The following PRKG1 variants were observed in gnomAD, a reference collection of about 807,000 sequenced individuals.
The protein encoded by PRKG1 is cGMP-dependent protein kinase 1.
A neutral mutation model predicts 88.1 loss-of-function variants in PRKG1; 35 were observed. The ratio of observed to expected loss-of-function variants is 0.40; its 90% CI spans 0.30 to 0.53. PRKG1 has a LOEUF of 0.53. Among genes scored for constraint, PRKG1 ranks in the 20% least tolerant of loss-of-function variants. PRKG1 has a pLI of 0.59. For missense variants in PRKG1, 540 were observed against 839.8 expected (o/e 0.64, Z 4.41); for synonymous variants, 303 against 292.5 (o/e 1.04, Z -0.37).
chr10:52,210,953 T>A, intron 9 of PRKG1, among the ~76,000 whole-genome samples: 1 of 152,218 alleles, frequency 6.6e-6, no homozygotes, highest in East Asian at 1.9e-4. Context: ...TTTAATTTTC[T>A]TTTTCATCAA....
chr10:52,103,169 T>C (rs544757629), intron 7 of PRKG1, among the ~76,000 whole-genome samples: 1 of 152,264 alleles, frequency 6.6e-6, no homozygotes, highest in Non-Finnish European at 1.5e-5. Flanking sequence ...CCCAATCCCA[T>C]GCCCCCCATC....
At chr10:51,092,947 G>T (rs1381641418) in intron 1 of PRKG1, among the ~76,000 whole-genome samples, 1 of 152,114 alleles carries the variant, frequency 6.6e-6, no homozygotes, top group Non-Finnish European at 1.5e-5. Context: ...AAATATTAGA[G>T]ATATACCTAT....
intron 1 of PRKG1, among the ~76,000 whole-genome samples, chr10:51,135,154 A>G (rs1171604106): frequency 6.6e-6 from 1 of 152,202 alleles, no homozygotes; most frequent in Non-Finnish European, 1.5e-5. Flanking sequence ...AATTCATCTA[A>G]TTTGAATGGA....
At chr10:51,743,541 A>C (rs7897574) in intron 3 of PRKG1, among the ~76,000 whole-genome samples, 89,240 of 149,766 alleles carry the variant, frequency 0.6, 27,432 homozygotes, top group African/African-American at 0.71. Context: ...GGTGGGATAT[A>C]TTTGCTGTTT....
chr10:51,525,097 G>C (rs2132082935), intron 3 of PRKG1, among the ~76,000 whole-genome samples: 1 of 152,054 alleles, frequency 6.6e-6, no homozygotes, highest in Middle Eastern at 3.4e-3. Flanking sequence ...CAAAGGATGA[G>C]AGAATGTGGT....
chr10:51,689,775 G>A (rs1472447848), intron 3 of PRKG1, among the ~76,000 whole-genome samples: 1 of 152,192 alleles, frequency 6.6e-6, no homozygotes, highest in Non-Finnish European at 1.5e-5. Flanking sequence ...CAAAGGCCTG[G>A]GGAAAGAGTG....
At chr10:51,585,986 AG>A (rs1425272314) in intron 3 of PRKG1, among the ~76,000 whole-genome samples, 1 of 152,048 alleles carries the variant, frequency 6.6e-6, no homozygotes, top group Non-Finnish European at 1.5e-5. Flanking sequence ...GTGGGGAGGT[AG>A]GGCAAGAGGA....
intron 2 of PRKG1, among the ~76,000 whole-genome samples, chr10:51,183,724 T>C (rs1036784357): frequency 6.6e-6 from 1 of 152,206 alleles, no homozygotes. Flanking sequence ...TATATTAATC[T>C]GAACATGTCT....
At chr10:52,238,417 C>T (rs1291949939) in intron 9 of PRKG1, among the ~76,000 whole-genome samples, 1 of 149,918 alleles carries the variant, frequency 6.7e-6, no homozygotes, top group East Asian at 2.0e-4. Flanking sequence ...TCGCAACCTA[C>T]TCATCTGACA....
Position 51,162,960 on chromosome 10 carries a change from TC to T in PRKG1, c.478+9633del, listed in dbSNP as rs754911049. On this transcript the variant is annotated intron_variant, in intron 2 of 17. Coordinates refer to ENST00000373980, the MANE Select transcript of PRKG1 (RefSeq NM_006258.4). ...TCTTAAATTTCTGGCCTGAGGTGAT[TC>T]CCTTGCCTCAGGCTCTCAAACTTTT... Among the ~76,000 whole-genome samples the T allele has an allele frequency of 3.9e-5, 6 of 152,220 alleles. No homozygotes were observed. The South Asian group carries it at 1.2e-3, about 32-fold the overall frequency.
chr10:51,243,749 T>C (rs1462830770), intron 2 of PRKG1, among the ~76,000 whole-genome samples: 1 of 152,174 alleles, frequency 6.6e-6, no homozygotes, highest in African/African-American at 2.4e-5. Context: ...ATGCCAAGAC[T>C]TAAATGCACC....
intron 4 of PRKG1, among the ~76,000 whole-genome samples, chr10:51,837,135 G>A (rs1840152618): frequency 6.6e-6 from 1 of 152,114 alleles, no homozygotes; most frequent in Admixed American, 6.6e-5. Flanking sequence ...GAAGAAGTAA[G>A]TTGATTTTTC....
At chr10:52,232,147 AC>A (rs1840539793) in intron 9 of PRKG1, among the ~76,000 whole-genome samples, 1 of 152,218 alleles carries the variant, frequency 6.6e-6, no homozygotes, top group Non-Finnish European at 1.5e-5. Context: ...TACTAAAAAT[AC>A]AAAAATTATC....
At chr10:51,003,691 T>G (rs1254388910) in intron 1 of PRKG1, among the ~76,000 whole-genome samples, 2 of 152,238 alleles carry the variant, frequency 1.3e-5, no homozygotes, top group African/African-American at 4.8e-5. Flanking sequence ...CCTCCCAATC[T>G]TTCTACTTGT....
At chr10:51,085,215 C>T (rs1435395407) in intron 1 of PRKG1, among the ~76,000 whole-genome samples, 1 of 152,200 alleles carries the variant, frequency 6.6e-6, no homozygotes, top group Non-Finnish European at 1.5e-5. Flanking sequence ...ACACTTGTAT[C>T]TTCCTAATAC....
At chr10:51,940,392 T>G (rs1321627257) in intron 5 of PRKG1, among the ~76,000 whole-genome samples, 2 of 151,934 alleles carry the variant, frequency 1.3e-5, no homozygotes, top group African/African-American at 2.4e-5. Flanking sequence ...AGGTTAATCC[T>G]GGCTGCTCTT....
chr10:51,913,395 T>C (rs1324425746), intron 5 of PRKG1, among the ~76,000 whole-genome samples: 2 of 152,218 alleles, frequency 1.3e-5, no homozygotes, highest in Non-Finnish European at 2.9e-5. Flanking sequence ...GTTCACAGTG[T>C]CTGTTGTCCT....
intron 9 of PRKG1, among the ~76,000 whole-genome samples, chr10:52,189,992 C>T (rs1839323338): frequency 6.6e-6 from 1 of 152,262 alleles, no homozygotes; most frequent in African/African-American, 2.4e-5. Context: ...CTAATCAATG[C>T]AGGTTTATCT....
At chr10:52,192,132 A>G (rs1242363694) in intron 9 of PRKG1, among the ~76,000 whole-genome samples, 1 of 152,084 alleles carries the variant, frequency 6.6e-6, no homozygotes, top group Admixed American at 6.6e-5. Flanking sequence ...GTGGATTTTT[A>G]TATATTCAAT....
Sources: gnomAD v4.1 joint callset for allele counts (sites outside exome capture counted in the v4.1 genomes callset) on GRCh38, gnomAD v4.1.1 for gene constraint, MANE v1.5 for transcripts, NCBI Gene and HGNC (gene_info 2026-07-23, HGNC 2026-07-21) for gene names.